TENM2: variants seen among roughly 807,000 people sequenced by gnomAD.
TENM2 encodes teneurin transmembrane protein 2, also known as teneurin-2.
A neutral mutation model predicts 245.2 loss-of-function variants in TENM2; 52 were observed. That is an observed-to-expected ratio of 0.21 (90% CI 0.17 to 0.27). TENM2 has a LOEUF of 0.27. Among genes scored for constraint, TENM2 ranks in the 10% least tolerant of loss-of-function variants. The pLI, the probability that TENM2 is intolerant of heterozygous loss-of-function variation, is 1.00. For synonymous variants in TENM2, 1,363 were observed against 1,438.9 expected, an observed-to-expected ratio of 0.95 and a Z score of 1.19; for missense variants, 3,046 against 3,666.8, an observed-to-expected ratio of 0.83 and a Z score of 4.37.
chr5:167,928,185 T>C (rs1171172384), intron 3 of TENM2, among the ~76,000 whole-genome samples: 1 of 152,214 alleles, frequency 6.6e-6, no homozygotes, highest in East Asian at 1.9e-4. Flanking sequence ...TGTCATTTCT[T>C]GTCTCTCCTA....
the TENM2 span, among the ~76,000 whole-genome samples, chr5:167,227,537 A>G: frequency 4.1e-4 from 63 of 152,266 alleles, 1 homozygote; most frequent in South Asian, 1.7e-3. Flanking sequence ...TGGATATAGT[A>G]TCCCTGGGTA....
intron 4 of TENM2, among the ~76,000 whole-genome samples, chr5:167,978,371 C>T (rs758147532): frequency 2.6e-5 from 4 of 152,096 alleles, no homozygotes; most frequent in South Asian, 2.1e-4. Flanking sequence ...ACAACCCAAA[C>T]GTTCATCAAT....
At chr5:166,986,647 T>C in the TENM2 span, among the ~76,000 whole-genome samples, 1 of 152,192 alleles carries the variant, frequency 6.6e-6, no homozygotes, top group Non-Finnish European at 1.5e-5. Context: ...ACTGTTGAAC[T>C]TGAGACATTT....
At chr5:167,354,974 C>A (rs922337717) in intron 1 of TENM2, among the ~76,000 whole-genome samples, 1 of 152,148 alleles carries the variant, frequency 6.6e-6, no homozygotes, top group Non-Finnish European at 1.5e-5. Context: ...GTTACCTCTC[C>A]CCTACGCTAC....
intron 3 of TENM2, chr5:167,938,375 A>G (rs1179647552): frequency 6.6e-6 from 1 of 152,226 alleles, no homozygotes; most frequent in African/African-American, 2.4e-5. Flanking sequence ...CCTCTGTGAA[A>G]CACTTTCAAA....
rs1763420215 is a variant in TENM2, at chr5:168,218,770, G to C, written c.4879G>C (p.Glu1627Gln). The change falls in exon 23 of 29, where the codon GAA becomes CAA. Residue 1627 changes from glutamate (E) to glutamine (Q), a missense_variant. By Grantham distance (29) the Glu-to-Gln change is conservative. Coordinates refer to ENST00000518659, the Ensembl canonical transcript of TENM2. This position sits in a 1 kb window ranked among gnomAD's most constrained non-coding sequence, Gnocchi z 5.2. ...ATATAGTACTGACAATGATGTCACTGAATTGATTGACAATAATGGGAATTC... is the reference window on the plus strand; with the variant it reads ...ATATAGTACTGACAATGATGTCACTCAATTGATTGACAATAATGGGAATTC... The C allele has an allele frequency of 1.2e-6, 2 of 1,614,036 alleles. No individual in the cohort carries two copies. The highest frequency in any genetic ancestry group is 4.5e-5 in the East Asian group (2 of 44,882).
intron 1 of TENM2, among the ~76,000 whole-genome samples, chr5:167,364,104 C>T (rs1759893725): frequency 6.6e-6 from 1 of 151,912 alleles, no homozygotes; most frequent in South Asian, 2.1e-4. Context: ...AGCGTAAGAT[C>T]AGCTGAGTTT....
chr5:167,980,347 G>T (rs1782742993), intron 4 of TENM2, among the ~76,000 whole-genome samples: 1 of 152,200 alleles, frequency 6.6e-6, no homozygotes, highest in South Asian at 2.1e-4. Context: ...GGCTGATCAA[G>T]AAATCCTTTC....
At chr5:167,554,863 C>T (rs1444161823) in intron 2 of TENM2, among the ~76,000 whole-genome samples, 5 of 149,466 alleles carry the variant, frequency 3.3e-5, no homozygotes, top group African/African-American at 7.6e-5. Context: ...TCTCTCTCTG[C>T]TCCTCCTCCT....
At chr5:167,587,766 T>A (rs773861785) in intron 2 of TENM2, among the ~76,000 whole-genome samples, 1 of 152,324 alleles carries the variant, frequency 6.6e-6, no homozygotes, top group African/African-American at 2.4e-5. Context: ...AATACGAACA[T>A]CAGATTACTT....
chr5:167,395,648 A>G (rs1762008960), intron 2 of TENM2, among the ~76,000 whole-genome samples: 1 of 152,172 alleles, frequency 6.6e-6, no homozygotes, highest in African/African-American at 2.4e-5. Context: ...GCAAGTCTTC[A>G]CTTAATCTCA....
intron 7 of TENM2, among the ~76,000 whole-genome samples, chr5:168,075,181 A>G (rs1419336201): frequency 1.3e-5 from 2 of 152,166 alleles, no homozygotes; most frequent in Non-Finnish European, 2.9e-5. Flanking sequence ...GTGAGAACAT[A>G]CAATGTTTGG....
At chr5:167,360,349 C>T (rs1166410909) in intron 1 of TENM2, among the ~76,000 whole-genome samples, 1 of 152,128 alleles carries the variant, frequency 6.6e-6, no homozygotes, top group Non-Finnish European at 1.5e-5. Context: ...TGATACATTT[C>T]AAGCCCTTAG....
chr5:167,370,464 C>A (rs1052067967), intron 1 of TENM2, among the ~76,000 whole-genome samples: 2 of 149,420 alleles, frequency 1.3e-5, no homozygotes, highest in Non-Finnish European at 3.0e-5. Context: ...TATTTTAAGA[C>A]TTGTGTTCCC....
At chr5:167,101,857 A>ATATATATATATATATATATT in the TENM2 span, among the ~76,000 whole-genome samples, 7 of 124,760 alleles carry the variant, frequency 5.6e-5, no homozygotes, top group African/African-American at 2.0e-4. Context: ...ATTTATATAT[A>ATATATATATATATATATATT]TATATATATA....
At chr5:168,128,521 C>A (rs1441282987) in intron 12 of TENM2, among the ~76,000 whole-genome samples, 1 of 152,214 alleles carries the variant, frequency 6.6e-6, no homozygotes, top group Non-Finnish European at 1.5e-5. Flanking sequence ...CCAACCTCAC[C>A]TCCCCTTTGC....
rs186985989 is a variant in TENM2 at position 167,918,857 on chromosome 5, C to T, written c.713-33731C>T. 1.0e-3 allele frequency among the ~76,000 whole-genome samples: 154 copies of T among 151,532 alleles called. 1 individual carries two copies. The highest frequency in any genetic ancestry group is 9.7e-3 in the Admixed American group (147 of 15,212). ...AAGCCAATATGGGAAGCAAAGTTACCACGGGGACAAAATGTTCTTCCGAGC... is the reference window on the plus strand; with the variant it reads ...AAGCCAATATGGGAAGCAAAGTTACTACGGGGACAAAATGTTCTTCCGAGC... On this transcript the variant is annotated intron_variant, in intron 3 of 28. Coordinates refer to ENST00000518659, the Ensembl canonical transcript of TENM2.
the TENM2 span, among the ~76,000 whole-genome samples, chr5:167,101,046 A>G: frequency 3.9e-5 from 6 of 152,236 alleles, no homozygotes; most frequent in African/African-American, 1.2e-4. Flanking sequence ...GTAGGAATAC[A>G]AAAATAACCA....
At chr5:168,089,352 T>TC (rs2032347767) in intron 7 of TENM2, among the ~76,000 whole-genome samples, 2 of 152,202 alleles carry the variant, frequency 1.3e-5, no homozygotes, top group Admixed American at 6.5e-5. Context: ...CTCATATCCT[T>TC]CCTACAAACT....
Sources: gnomAD v4.1 joint callset for allele counts (sites outside exome capture counted in the v4.1 genomes callset) on GRCh38, gnomAD v4.1.1 for gene constraint, Gnocchi (gnomAD v3.1) non-coding constraint, MANE v1.5 for transcripts, NCBI Gene and HGNC (gene_info 2026-07-23, HGNC 2026-07-21) for gene names.